EDIL3: variants seen among roughly 807,000 people sequenced by gnomAD.
EDIL3 encodes the protein EGF like and discoidin domains 3.
In EDIL3, 37 loss-of-function variants were observed where a neutral mutation model predicts 67.4. That is an observed-to-expected ratio of 0.55 (90% CI 0.42 to 0.72). EDIL3 has a LOEUF of 0.72. Ranked by LOEUF, EDIL3 falls within the 30% of genes least tolerant of loss-of-function variation. EDIL3 has a pLI of 0.00. For missense variants in EDIL3, 527 were observed against 586.3 expected, an observed-to-expected ratio of 0.90 and a Z score of 1.04; for synonymous variants, 195 against 196.3, an observed-to-expected ratio of 0.99 and a Z score of 0.05.
intron 4 of EDIL3, among the ~76,000 whole-genome samples, chr5:84,139,637 G>T (rs1748154588): frequency 6.6e-6 from 1 of 152,088 alleles, no homozygotes; most frequent in African/African-American, 2.4e-5. Flanking sequence ...ATGAGAACGT[G>T]TAACTGGTTA....
intron 3 of EDIL3, chr5:84,196,999 A>G (rs1451611687): frequency 2.0e-5 from 3 of 152,002 alleles, no homozygotes; most frequent in Non-Finnish European, 4.4e-5. Context: ...CAGGATCTCT[A>G]AATTTGAGGC....
chr5:83,997,123 T>A (rs1745249929), intron 9 of EDIL3, among the ~76,000 whole-genome samples: 1 of 152,140 alleles, frequency 6.6e-6, no homozygotes, highest in African/African-American at 2.4e-5. Flanking sequence ...GAAAGGTGGC[T>A]GGAAATGAGG....
intron 6 of EDIL3, among the ~76,000 whole-genome samples, chr5:84,096,020 T>C (rs999932750): frequency 6.6e-6 from 1 of 152,188 alleles, no homozygotes; most frequent in African/African-American, 2.4e-5. Context: ...AAGTCAATAA[T>C]TGGGGTTTGG....
intron 6 of EDIL3, among the ~76,000 whole-genome samples, chr5:84,101,786 T>C (rs1017974416): frequency 1.3e-5 from 2 of 151,744 alleles, no homozygotes; most frequent in Non-Finnish European, 2.9e-5. Context: ...CTCCAAACAA[T>C]CGAGGAAGAG....
intron 1 of EDIL3, among the ~76,000 whole-genome samples, chr5:84,304,140 A>G (rs1746219177): frequency 6.6e-6 from 1 of 152,176 alleles, no homozygotes; most frequent in African/African-American, 2.4e-5. Context: ...AAGATACAGA[A>G]GTAGATGGTA....
chr5:84,037,466 T>A, intron 9 of EDIL3, among the ~76,000 whole-genome samples: 1 of 152,228 alleles, frequency 6.6e-6, no homozygotes. Context: ...AAGAAAATAC[T>A]ACAAAATAAA....
rs576518476 is a variant in EDIL3 at position 84,251,425 on chromosome 5, T to C, written c.196+2659A>G. 3.3e-5 allele frequency among the ~76,000 whole-genome samples: 5 copies of C among 152,122 alleles called. No homozygotes were observed. The South Asian group carries it at 8.3e-4, about 25-fold the overall frequency. ...CCACCACGCCCGGCCTTTTTTTTTT[T>C]TTCGAAACAAAAACGCAGGATGGTC... On this transcript the variant is annotated intron_variant, in intron 2 of 10. Coordinates refer to ENST00000296591, the MANE Select transcript of EDIL3 (RefSeq NM_005711.5).
intron 3 of EDIL3, among the ~76,000 whole-genome samples, chr5:84,191,225 A>G (rs1580369333): frequency 6.6e-6 from 1 of 152,100 alleles, no homozygotes; most frequent in East Asian, 1.9e-4. Context: ...ACAAAGCTAC[A>G]GTTCTTTCTC....
chr5:84,273,288 CT>C (rs1444762549), intron 1 of EDIL3, among the ~76,000 whole-genome samples: 1 of 152,118 alleles, frequency 6.6e-6, no homozygotes, highest in African/African-American at 2.4e-5. Context: ...GCCTGAGTTC[CT>C]GAATCAATCA....
At chr5:84,224,779 AG>A (rs1187680019) in intron 3 of EDIL3, among the ~76,000 whole-genome samples, 1 of 151,544 alleles carries the variant, frequency 6.6e-6, no homozygotes, top group Non-Finnish European at 1.5e-5. Flanking sequence ...AGACTATAAT[AG>A]TTTATATTGT....
chr5:84,008,938 G>A (rs1745472149), intron 9 of EDIL3, among the ~76,000 whole-genome samples: 1 of 151,952 alleles, frequency 6.6e-6, no homozygotes, highest in Admixed American at 6.6e-5. Context: ...TCAGCCTCCC[G>A]AGTAGCTGGG....
At chr5:84,300,353 T>C (rs1288580332) in intron 1 of EDIL3, among the ~76,000 whole-genome samples, 3 of 152,202 alleles carry the variant, frequency 2.0e-5, no homozygotes, top group Non-Finnish European at 4.4e-5. Context: ...ACCTGGATAC[T>C]ATAGGATGGT....
intron 5 of EDIL3, among the ~76,000 whole-genome samples, chr5:84,120,161 C>T (rs1045194331): frequency 3.9e-5 from 6 of 152,004 alleles, no homozygotes; most frequent in East Asian, 1.9e-4. Context: ...AATTGCACAC[C>T]TTTGCACAAG....
intron 6 of EDIL3, among the ~76,000 whole-genome samples, chr5:84,091,113 G>A (rs1561428292): frequency 6.6e-6 from 1 of 152,192 alleles, no homozygotes; most frequent in African/African-American, 2.4e-5. Context: ...AGAGAGGATA[G>A]TGAAGAGGTT....
intron 6 of EDIL3, among the ~76,000 whole-genome samples, chr5:84,082,400 T>C (rs1746986795): frequency 6.6e-6 from 1 of 152,204 alleles, no homozygotes; most frequent in Non-Finnish European, 1.5e-5. Flanking sequence ...AAAGCAAACA[T>C]ACACTCTAGT....
intron 1 of EDIL3, among the ~76,000 whole-genome samples, chr5:84,291,884 C>A (rs1012070987): frequency 6.7e-6 from 1 of 149,556 alleles, no homozygotes; most frequent in African/African-American, 2.5e-5. Context: ...ATAACTTTAA[C>A]AAAAGTATAG....
At chr5:84,376,391 A>T (rs767805392) in intron 1 of EDIL3, among the ~76,000 whole-genome samples, 1 of 152,256 alleles carries the variant, frequency 6.6e-6, no homozygotes, top group Non-Finnish European at 1.5e-5. Flanking sequence ...TTCTAGGCCA[A>T]AATCAAATTT....
intron 4 of EDIL3, among the ~76,000 whole-genome samples, chr5:84,164,698 G>T (rs965290848): frequency 5.3e-5 from 8 of 152,020 alleles, no homozygotes; most frequent in African/African-American, 1.9e-4. Flanking sequence ...TATATTTTGA[G>T]TACCTACTAC....
At chr5:83,985,158 G>A (rs1481517260) in intron 9 of EDIL3, among the ~76,000 whole-genome samples, 1 of 151,536 alleles carries the variant, frequency 6.6e-6, no homozygotes, top group Non-Finnish European at 1.5e-5. Context: ...TCTTTTTCAT[G>A]CTAATCGTAT....
Sources: gnomAD v4.1 joint callset for allele counts (sites outside exome capture counted in the v4.1 genomes callset) on GRCh38, gnomAD v4.1.1 for gene constraint, MANE v1.5 for transcripts, NCBI Gene and HGNC (gene_info 2026-07-23, HGNC 2026-07-21) for gene names.